The following HEG1 variants were observed in gnomAD, a reference collection of about 807,000 sequenced individuals.
HEG1 encodes the protein heart development protein with EGF like domains 1.
A neutral mutation model predicts 125.6 loss-of-function variants in HEG1; 56 were observed. That is an observed-to-expected ratio of 0.45 (90% CI 0.36 to 0.56). The LOEUF (loss-of-function observed/expected upper bound fraction) is 0.56. HEG1 is among the 20% of genes least tolerant of loss of function. The pLI is 0.00. For missense variants in HEG1, 1,523 were observed against 1,670.0 expected, an observed-to-expected ratio of 0.91 and a Z score of 1.53; for synonymous variants, 644 against 668.5, an observed-to-expected ratio of 0.96 and a Z score of 0.57.
intron 5 of HEG1, among the ~76,000 whole-genome samples, chr3:125,017,460 G>A (rs1200750045): frequency 6.6e-6 from 1 of 152,152 alleles, no homozygotes. Context: ...TGGCCAATAA[G>A]CACATGAAAA....
chr3:125,053,505 A>G (rs1256785442), intron 1 of HEG1, among the ~76,000 whole-genome samples: 1 of 152,140 alleles, frequency 6.6e-6, no homozygotes, highest in Non-Finnish European at 1.5e-5. Context: ...CACCTTCCTA[A>G]CATCCCTTCA....
At chr3:125,029,743 T>A (rs1015239868) in intron 1 of HEG1, among the ~76,000 whole-genome samples, 2 of 151,972 alleles carry the variant, frequency 1.3e-5, no homozygotes, top group African/African-American at 4.8e-5. Flanking sequence ...TACAAAAAAA[T>A]TAGCCGGTCG....
In HEG1 at chr3:125,050,139, T is replaced by C. The variant is rs1453404432; in HGVS notation, c.316+5436A>G. Among the ~76,000 whole-genome samples, 6 of 133,210 alleles carry C rather than the reference T, an allele frequency of 4.5e-5. No homozygotes were observed. The East Asian group carries it at 1.3e-3, about 30-fold the overall frequency. The allele number at this position is 133,210 out of a possible 152,430, so 87.4% of individuals were successfully genotyped here. ...TTGTGGATGCCATTCATCCACCAACTCTCTTTTTTTTTTTTTTTTTTTGAG... is the reference window on the plus strand; with the variant it reads ...TTGTGGATGCCATTCATCCACCAACCCTCTTTTTTTTTTTTTTTTTTTGAG... On this transcript the variant is annotated intron_variant, in intron 1 of 16. Coordinates refer to ENST00000311127, the MANE Select transcript of HEG1 (RefSeq NM_020733.2).
chr3:124,979,617 A>C (rs1381380780), intron 14 of HEG1, among the ~76,000 whole-genome samples: 1 of 152,208 alleles, frequency 6.6e-6, no homozygotes, highest in African/African-American at 2.4e-5. Flanking sequence ...CTCTAGTTGT[A>C]GGATCCAGGA....
chr3:125,028,687 G>T (rs1937452215), intron 2 of HEG1, among the ~76,000 whole-genome samples: 1 of 152,206 alleles, frequency 6.6e-6, no homozygotes, highest in African/African-American at 2.4e-5. Context: ...TGAGAGAACA[G>T]ACATGGTGGT....
In HEG1 at chr3:125,019,528, G is replaced by A. The variant is rs150606531; in HGVS notation, c.1322C>T (p.Thr441Ile). Residue 441 changes from threonine (T) to isoleucine (I), a missense_variant, in exon 5 of 17, where the codon ACT (threonine) becomes ATT (isoleucine). Coordinates refer to ENST00000311127, the MANE Select transcript of HEG1 (RefSeq NM_020733.2). Reference protein sequence around the residue: ...QNGSPMSQTETVSRSVAPMRG... With the variant: ...QNGSPMSQTEIVSRSVAPMRG... ...CATGGGTGCGACTGACCTAGACACA[G>A]TCTCAGTCTGAGACATGGGACTTCC... 2.2e-4 allele frequency: 351 copies of A among 1,613,694 alleles called. 3 individuals are homozygous for A. In the African/African-American group the frequency reaches 4.0e-3, roughly 18 times the overall value.
rs917539573 is a variant in HEG1 at position 124,970,054 on chromosome 3, A to G, written c.*598T>C. ...CTGTGGGGGCTGGCTTGGAAACTGTAGCATAAGACAACCTAGAAACATATG... is the reference window on the plus strand; with the variant it reads ...CTGTGGGGGCTGGCTTGGAAACTGTGGCATAAGACAACCTAGAAACATATG... On this transcript the variant is annotated 3_prime_UTR_variant, in exon 17 of 17. Transcript: ENST00000311127. 2 of 152,354 alleles carry G rather than the reference A, an allele frequency of 1.3e-5. No individual in the cohort carries two copies. Among genetic ancestry groups the G allele is most frequent in the African/African-American group, 4.8e-5 (2 of 41,460 alleles). 9.4% of individuals were successfully genotyped at this position (152,354 alleles called of 1,614,324 possible).
At chr3:125,029,037 A>G (rs1019746875) in intron 2 of HEG1, among the ~76,000 whole-genome samples, 158 bp downstream of exon 2, 2 of 152,208 alleles carry the variant, frequency 1.3e-5, no homozygotes, top group Non-Finnish European at 2.9e-5. Context: ...TGGCAAGCAT[A>G]ATACATATGA....
intron 1 of HEG1, among the ~76,000 whole-genome samples, chr3:125,044,870 C>T (rs1310929590): frequency 6.6e-6 from 1 of 152,112 alleles, no homozygotes; most frequent in African/African-American, 2.4e-5. Flanking sequence ...AATTTCCTGA[C>T]ACAAACAGGG....
intron 9 of HEG1, among the ~76,000 whole-genome samples, chr3:125,004,155 T>C (rs1937038258): frequency 6.6e-6 from 1 of 152,180 alleles, no homozygotes; most frequent in South Asian, 2.1e-4. Flanking sequence ...ATCGTCCCTA[T>C]CATGAAGTGA....
chr3:124,991,165 T>TC (rs1274340700), intron 12 of HEG1, among the ~76,000 whole-genome samples, 179 bp from the exon 13 acceptor site: 3 of 151,720 alleles, frequency 2.0e-5, no homozygotes, highest in African/African-American at 4.8e-5. Flanking sequence ...TTTTTTTTTT[T>TC]CTGAGATAGA....
At chr3:125,024,137 T>C (rs1369735489) in intron 3 of HEG1, among the ~76,000 whole-genome samples, 1 of 152,216 alleles carries the variant, frequency 6.6e-6, no homozygotes, top group Non-Finnish European at 1.5e-5. Flanking sequence ...TCAGCTCCTA[T>C]TGAGAATCTA....
intron 15 of HEG1, 115 bp downstream of exon 15, chr3:124,977,744 C>T: frequency 1.8e-6 from 1 of 560,398 alleles, no homozygotes; most frequent in Non-Finnish European, 3.0e-6. Context: ...GGGTTAGTCA[C>T]ACATTATGGT....
chr3:125,029,160 C>T (rs534596312), intron 2 of HEG1, 35 bp downstream of exon 2: 2 of 1,590,580 alleles, frequency 1.3e-6, no homozygotes, highest in South Asian at 1.1e-5. Flanking sequence ...ACTGGACACA[C>T]ATGCGTGAAA....
chr3:125,005,089 A>T (rs1937053427), intron 9 of HEG1, among the ~76,000 whole-genome samples, 176 bp downstream of exon 9: 1 of 152,222 alleles, frequency 6.6e-6, no homozygotes, highest in Non-Finnish European at 1.5e-5. Flanking sequence ...ACTGGGCACA[A>T]ATACCTCACT....
chr3:125,030,794 G>A (rs779008703), intron 1 of HEG1, among the ~76,000 whole-genome samples: 3 of 152,100 alleles, frequency 2.0e-5, no homozygotes, highest in East Asian at 1.9e-4. Context: ...TGCCCAAGTC[G>A]CACAGTCAAA....
chr3:125,045,177 G>A (rs545564437), intron 1 of HEG1, among the ~76,000 whole-genome samples: 2 of 152,338 alleles, frequency 1.3e-5, no homozygotes, highest in East Asian at 1.9e-4. Flanking sequence ...CACTAAACCT[G>A]TGCGAATGCT....
intron 5 of HEG1, among the ~76,000 whole-genome samples, chr3:125,014,445 CTT>C (rs1381867586): frequency 7.0e-4 from 107 of 152,174 alleles, no homozygotes; most frequent in African/African-American, 2.2e-3. Flanking sequence ...GGAGATTGAC[CTT>C]AGCCACAAGT....
At chr3:124,973,928 T>C in intron 15 of HEG1, 23 bp from the exon 16 acceptor site, 3 of 1,558,882 alleles carry the variant, frequency 1.9e-6, no homozygotes, top group Non-Finnish European at 2.6e-6. Flanking sequence ...AAAATATTTG[T>C]AAAGCTCAAT....
Sources: allele counts gnomAD v4.1 joint callset (sites outside exome capture counted in the v4.1 genomes callset), GRCh38; gene constraint gnomAD v4.1.1; transcripts MANE v1.5; gene names NCBI Gene and HGNC (gene_info 2026-07-23, HGNC 2026-07-21).